The following MND1 variants were observed in gnomAD, a reference collection of about 807,000 sequenced individuals.
The protein encoded by MND1 is meiotic nuclear divisions 1.
Under a neutral mutation model 35.1 loss-of-function variants are expected in MND1, and 28 were observed. The observed-to-expected ratio is 0.80, with a 90% confidence interval of 0.59 to 1.09. The LOEUF (loss-of-function observed/expected upper bound fraction) is 1.09, where lower values mean the gene tolerates loss of function less well. MND1 is among the 50% of genes least tolerant of loss of function. MND1 has a pLI of 0.00. For missense variants in MND1, 213 were observed against 239.6 expected (o/e 0.89, Z 0.73); for synonymous variants, 69 against 70.5 (o/e 0.98, Z 0.11).
chr4:153,368,454 C>A (rs1236455281), intron 4 of MND1, among the ~76,000 whole-genome samples: 3 of 152,192 alleles, frequency 2.0e-5, no homozygotes, highest in African/African-American at 7.2e-5. Flanking sequence ...ACTCATCTTT[C>A]CAGACTCCCT....
intron 4 of MND1, among the ~76,000 whole-genome samples, chr4:153,371,127 G>T (rs1773780943): frequency 6.6e-6 from 1 of 152,056 alleles, no homozygotes; most frequent in Non-Finnish European, 1.5e-5. Flanking sequence ...AGTCTCAACG[G>T]TTGGCTTGAA....
At chr4:153,390,943 A>ATGTGTGTGTGTGTGTGTGTGTG (rs1561073063) in intron 4 of MND1, among the ~76,000 whole-genome samples, 1 of 101,128 alleles carries the variant, frequency 9.9e-6, no homozygotes, top group African/African-American at 4.1e-5. Context: ...GTGTGTGTGT[A>ATGTGTGTGTGTGTGTGTGTGTG]TATAAAATGT....
At chr4:153,369,699 AAGGGT>A (rs1189598518) in intron 4 of MND1, among the ~76,000 whole-genome samples, 1 of 151,190 alleles carries the variant, frequency 6.6e-6, no homozygotes, top group Non-Finnish European at 1.5e-5. Context: ...ATGGTTGCTG[AAGGGT>A]AGATGGCTAT....
intron 4 of MND1, among the ~76,000 whole-genome samples, chr4:153,386,518 C>A (rs1396933091): frequency 6.6e-6 from 1 of 151,940 alleles, no homozygotes; most frequent in Non-Finnish European, 1.5e-5. Flanking sequence ...GAGTTTGAGA[C>A]CAACCTGACC....
Position 153,358,542 on chromosome 4 carries a change from G to T in MND1, c.196G>T (p.Gly66Ter), listed in dbSNP as rs778716549. The T allele has an allele frequency of 6.2e-7, 1 of 1,613,292 alleles. No individual in the cohort carries two copies. Among genetic ancestry groups the T allele is most frequent in the African/African-American group, 1.3e-5 (1 of 74,870 alleles). Residue 66 changes from glycine (G) to a stop codon, truncating the protein, a stop_gained, in exon 4 of 8, where the codon GGA becomes TGA. Transcript: ENST00000240488. LOFTEE classifies it high-confidence loss of function. ...TGGTATGGTTGACTGTGAGAGGATCGGAACTTCTAATTATTATTGGGCTTT... is the reference window on the plus strand; with the variant it reads ...TGGTATGGTTGACTGTGAGAGGATCTGAACTTCTAATTATTATTGGGCTTT... ...DDGMVDCERI[G>*]TSNYYWAFPS... is the part of the protein sequence containing the mutation.
intron 4 of MND1, among the ~76,000 whole-genome samples, chr4:153,366,344 G>A (rs747727606): frequency 3.5e-4 from 53 of 152,224 alleles, no homozygotes; most frequent in Admixed American, 5.9e-4. Flanking sequence ...TATCTTTGGG[G>A]GACATTATTT....
intron 6 of MND1, among the ~76,000 whole-genome samples, chr4:153,405,828 G>A (rs187717426): frequency 4.0e-4 from 61 of 151,728 alleles, no homozygotes; most frequent in African/African-American, 1.1e-3. Context: ...TTTTTGAGAC[G>A]GAGTCTCACT....
At chr4:153,398,752 C>G (rs747239621) in intron 6 of MND1, among the ~76,000 whole-genome samples, 24 of 151,372 alleles carry the variant, frequency 1.6e-4, no homozygotes, top group African/African-American at 3.9e-4. Flanking sequence ...AAGTGCTAAT[C>G]AAATCTACAC....
intron 1 of MND1, chr4:153,345,278 ATTG>A (rs1334209420): frequency 1.0e-6 from 1 of 955,306 alleles, no homozygotes; most frequent in Non-Finnish European, 1.2e-6. Context: ...GGTTTTCTGT[ATTG>A]TAATATGTAG....
At chr4:153,351,916 CTCTTT>C (rs1354802118) in intron 2 of MND1, among the ~76,000 whole-genome samples, 3 of 152,170 alleles carry the variant, frequency 2.0e-5, no homozygotes, top group Non-Finnish European at 4.4e-5. Flanking sequence ...TTGTTTTACA[CTCTTT>C]TCTTTGTTAC....
At position 153,386,459 on chromosome 4, in the gene MND1, G is replaced by C. The variant is rs543564177; in HGVS notation, c.277-7803G>C. ...GCTACAATGAGCTATGATTGCACTA[G>C]TGCATTCCAGCCTGAGCAACAGTGG... On this transcript the variant is annotated intron_variant, in intron 4 of 7. Coordinates refer to ENST00000240488, the MANE Select transcript of MND1 (RefSeq NM_032117.4). Among the ~76,000 whole-genome samples, 22 of 152,170 alleles carry C rather than the reference G, an allele frequency of 1.4e-4. 1 individual carries two copies. The South Asian group carries it at 4.4e-3, about 30-fold the overall frequency.
chr4:153,380,357 C>T lies in MND1; in HGVS notation c.277-13905C>T, dbSNP rs1728641755. Among the ~76,000 whole-genome samples, 6 of 152,116 alleles carry T rather than the reference C, an allele frequency of 3.9e-5. No homozygotes were observed. In the South Asian group the frequency reaches 1.2e-3, roughly 32 times the overall value. ...TTTTACATGCAAGTAGTTACTGCAG[C>T]TACTGTGTCCTACCATGACAACACC... On this transcript the variant is annotated intron_variant, in intron 4 of 7. Transcript: ENST00000240488.
chr4:153,347,563 G>A (rs760602021), intron 1 of MND1, among the ~76,000 whole-genome samples: 25 of 152,200 alleles, frequency 1.6e-4, no homozygotes, highest in Non-Finnish European at 2.9e-4. Context: ...GGCAGTTCAT[G>A]TTCTGAAGAA....
At chr4:153,360,717 GAC>G (rs1214709261) in intron 4 of MND1, among the ~76,000 whole-genome samples, 1 of 148,726 alleles carries the variant, frequency 6.7e-6, no homozygotes, top group Non-Finnish European at 1.5e-5. Flanking sequence ...GTGTGTGTGA[GAC>G]AGGGTCTTGC....
rs10029488 is a variant in MND1 at position 153,384,285 on chromosome 4, T to A, written c.277-9977T>A. On this transcript the variant is annotated intron_variant, in intron 4 of 7. Coordinates refer to ENST00000240488, the MANE Select transcript of MND1 (RefSeq NM_032117.4). ...TTTTTTTTTTTTTTTTTTTTTTTTT[T>A]AAAGAGCCAGGGCCTCACTCTGTTG... Among the ~76,000 whole-genome samples the A allele has an allele frequency of 8.0e-5, 10 of 124,526 alleles. No individual in the cohort carries two copies. The South Asian group carries it at 1.1e-3, about 13-fold the overall frequency. 81.7% of individuals were successfully genotyped at this position (124,526 alleles called of 152,430 possible).
chr4:153,404,345 C>CT (rs70963176), intron 6 of MND1, among the ~76,000 whole-genome samples: 2,334 of 129,686 alleles, frequency 0.018, 39 homozygotes, highest in Middle Eastern at 0.065. Flanking sequence ...CCACGCCCAG[C>CT]TTTTTTTTTT....
At chr4:153,368,937 C>T (rs1773724366) in intron 4 of MND1, among the ~76,000 whole-genome samples, 1 of 152,232 alleles carries the variant, frequency 6.6e-6, no homozygotes, top group African/African-American at 2.4e-5. Flanking sequence ...ACATTACTAT[C>T]TCACAGTTCT....
intron 1 of MND1, chr4:153,345,264 G>C: frequency 3.3e-6 from 3 of 899,730 alleles, no homozygotes; most frequent in Non-Finnish European, 4.0e-6. Flanking sequence ...TGTCACCATT[G>C]AGTGGTTTTC....
chr4:153,344,940 C>T (rs2149625330), intron 1 of MND1, among the ~76,000 whole-genome samples, 200 bp downstream of exon 1: 1 of 152,268 alleles, frequency 6.6e-6, no homozygotes, highest in Non-Finnish European at 1.5e-5. Context: ...CGTTCCCCGC[C>T]GCTCCTGTCC....
Sources: allele counts gnomAD v4.1 joint callset (sites outside exome capture counted in the v4.1 genomes callset), GRCh38; gene constraint gnomAD v4.1.1; transcripts MANE v1.5; gene names NCBI Gene and HGNC (gene_info 2026-07-23, HGNC 2026-07-21).